AP3B1: variants seen among roughly 807,000 people sequenced by gnomAD.
AP3B1 encodes AP-3 complex subunit beta-1.
A neutral mutation model predicts 132.5 loss-of-function variants in AP3B1; 61 were observed. The ratio of observed to expected loss-of-function variants is 0.46; its 90% confidence interval spans 0.37 to 0.57. The LOEUF is 0.57. AP3B1 is among the 20% of genes least tolerant of loss of function. The pLI, the probability that AP3B1 is intolerant of heterozygous loss-of-function variation, is 0.00. For missense variants in AP3B1, 1,120 were observed against 1,289.4 expected, an observed-to-expected ratio of 0.87 and a Z score of 2.01; for synonymous variants, 388 against 438.3, an observed-to-expected ratio of 0.89 and a Z score of 1.43.
chr5:78,013,590 A>G (rs1746711346), intron 26 of AP3B1, among the ~76,000 whole-genome samples: 2 of 152,342 alleles, frequency 1.3e-5, no homozygotes, highest in African/African-American at 4.8e-5. Context: ...GTTTTAGTAA[A>G]TTCAATAATT....
intron 22 of AP3B1, among the ~76,000 whole-genome samples, chr5:78,075,918 C>T (rs187283415): frequency 5.3e-5 from 8 of 152,232 alleles, no homozygotes; most frequent in Non-Finnish European, 1.2e-4. Context: ...GGAAAGCAAA[C>T]GGCGAAGAGT....
At chr5:78,146,987 A>G (rs1753429003) in intron 14 of AP3B1, among the ~76,000 whole-genome samples, 1 of 151,990 alleles carries the variant, frequency 6.6e-6, no homozygotes, top group Non-Finnish European at 1.5e-5. Flanking sequence ...AAAAGTGGGT[A>G]TTATCTGTTC....
chr5:78,229,570 T>TA (rs747124764), intron 3 of AP3B1, among the ~76,000 whole-genome samples: 10 of 92,928 alleles, frequency 1.1e-4, no homozygotes, highest in African/African-American at 4.1e-4. Context: ...CCATTTCTAG[T>TA]AAAACAAAAA....
intron 1 of AP3B1, among the ~76,000 whole-genome samples, chr5:78,278,443 C>CA (rs1748881388): frequency 7.5e-6 from 1 of 133,720 alleles, no homozygotes; most frequent in Non-Finnish European, 1.7e-5. Context: ...ACTAAAAATA[C>CA]AAAAAATTAG....
Position 78,128,027 on chromosome 5 carries a change from T to TA in AP3B1, c.1968+2dup. ...AAAATTAATTTCAGAAAGGTCAACT[T>TA]ACCAACTCTATTACTTCTACATTTC... On this transcript the variant is annotated splice_region_variant and intron_variant, in intron 17 of 26. Transcript: ENST00000255194. 6.2e-7 allele frequency: 1 copy of TA among 1,612,408 alleles called. No individual in the cohort carries two copies. The highest frequency in any genetic ancestry group is 8.5e-7 in the Non-Finnish European group (1 of 1,178,696).
At chr5:78,076,274 G>T (rs1249389743) in intron 22 of AP3B1, among the ~76,000 whole-genome samples, 1 of 152,190 alleles carries the variant, frequency 6.6e-6, no homozygotes, top group Non-Finnish European at 1.5e-5. Flanking sequence ...AGGGCAAGAA[G>T]CTTTCCCATC....
intron 22 of AP3B1, among the ~76,000 whole-genome samples, chr5:78,061,896 A>G (rs1180915606): frequency 5.3e-5 from 8 of 152,204 alleles, no homozygotes; most frequent in East Asian, 1.9e-4. Flanking sequence ...GAAGGGGTCC[A>G]TTATGTATCA....
chr5:78,235,340 T>C (rs935789861), intron 3 of AP3B1, among the ~76,000 whole-genome samples: 3 of 152,204 alleles, frequency 2.0e-5, no homozygotes, highest in African/African-American at 7.2e-5. Flanking sequence ...TAAAACTGGA[T>C]TATGAACTCT....
chr5:78,250,734 C>T (rs1039736787), intron 2 of AP3B1, among the ~76,000 whole-genome samples: 1 of 151,960 alleles, frequency 6.6e-6, no homozygotes, highest in Non-Finnish European at 1.5e-5. Context: ...GGAAATATAT[C>T]TAACTCATAT....
At chr5:78,080,237 G>A (rs1486316663) in intron 22 of AP3B1, among the ~76,000 whole-genome samples, 1 of 152,032 alleles carries the variant, frequency 6.6e-6, no homozygotes, top group African/African-American at 2.4e-5. Context: ...TGGAACTCCT[G>A]GGCTCAAGCA....
rs186160018 is a variant in AP3B1, at chr5:78,129,769, A to G, written c.1651-462T>C. Among the ~76,000 whole-genome samples, 159 of 152,294 alleles carry G rather than the reference A, an allele frequency of 1.0e-3. 1 individual carries two copies. Among genetic ancestry groups the G allele is most frequent in the African/African-American group, 3.7e-3 (155 of 41,580 alleles). On this transcript the variant is annotated intron_variant, in intron 15 of 26. Coordinates refer to ENST00000255194, the MANE Select transcript of AP3B1 (RefSeq NM_003664.5). ...TTTATGAAGAGATACTGTCCCTGGC[A>G]TAAGCAGTGTCTGCACTCTGACTGC...
intron 1 of AP3B1, among the ~76,000 whole-genome samples, chr5:78,289,485 C>A (rs1467950348): frequency 6.6e-6 from 1 of 152,124 alleles, no homozygotes; most frequent in African/African-American, 2.4e-5. Flanking sequence ...GAAAAGCCCA[C>A]CCCGATTTAA....
At chr5:78,013,764 C>T (rs1746719281) in intron 26 of AP3B1, among the ~76,000 whole-genome samples, 1 of 152,198 alleles carries the variant, frequency 6.6e-6, no homozygotes, top group Admixed American at 6.5e-5. Flanking sequence ...ACAACATTAA[C>T]TGATAAATAA....
intron 26 of AP3B1, 117 bp from the exon 27 acceptor site, chr5:78,003,172 G>T: frequency 1.7e-6 from 2 of 1,210,740 alleles, no homozygotes; most frequent in Non-Finnish European, 2.3e-6. Context: ...TTTGCTGCAG[G>T]CTCCCTATTG....
chr5:78,273,064 C>T (rs1748618738), intron 1 of AP3B1, among the ~76,000 whole-genome samples: 1 of 95,844 alleles, frequency 1.0e-5, no homozygotes, highest in Admixed American at 9.5e-5. Flanking sequence ...CACACAAGTA[C>T]TCTTAAGGGG....
At chr5:78,223,311 A>T (rs898154033) in intron 6 of AP3B1, among the ~76,000 whole-genome samples, 92 of 151,972 alleles carry the variant, frequency 6.1e-4, no homozygotes, top group African/African-American at 1.5e-3. Context: ...ATTCTTAATT[A>T]AAAAAAATAA....
chr5:78,293,695 T>C (rs1315384846), intron 1 of AP3B1, among the ~76,000 whole-genome samples: 1 of 152,106 alleles, frequency 6.6e-6, no homozygotes, highest in Admixed American at 6.6e-5. Flanking sequence ...CTGGTAAATG[T>C]AACCACTACC....
intron 1 of AP3B1, among the ~76,000 whole-genome samples, chr5:78,287,818 T>C (rs922281509): frequency 1.3e-5 from 2 of 149,820 alleles, no homozygotes; most frequent in Non-Finnish European, 3.0e-5. Flanking sequence ...ACAGCTCTAG[T>C]ACCAGATCTA....
intron 25 of AP3B1, among the ~76,000 whole-genome samples, chr5:78,020,485 T>C (rs936697791): frequency 1.3e-5 from 2 of 152,124 alleles, no homozygotes; most frequent in African/African-American, 4.8e-5. Context: ...TTTAAAGACA[T>C]ATTAATCAAT....
Sources: gnomAD v4.1 joint callset for allele counts (sites outside exome capture counted in the v4.1 genomes callset) on GRCh38, gnomAD v4.1.1 for gene constraint, MANE v1.5 for transcripts, NCBI Gene and HGNC (gene_info 2026-07-23, HGNC 2026-07-21) for gene names.